Variants in CLMN observed in about 807,000 individuals in gnomAD.
CLMN encodes calmin (calponin-like, transmembrane).
Under a neutral mutation model 92.7 loss-of-function variants are expected in CLMN, and 57 were observed. The observed-to-expected ratio is 0.61, with a 90% confidence interval of 0.50 to 0.77. CLMN has a LOEUF of 0.77. CLMN is among the 30% of genes least tolerant of loss of function. CLMN has a pLI of 0.00. For synonymous variants in CLMN, 466 were observed against 470.6 expected (o/e 0.99, Z 0.13); for missense variants, 1,158 against 1,237.5 (o/e 0.94, Z 0.96).
intron 1 of CLMN, among the ~76,000 whole-genome samples, chr14:95,250,676 C>A (rs987648269): frequency 6.6e-6 from 1 of 152,238 alleles, no homozygotes; most frequent in African/African-American, 2.4e-5. Context: ...TGAAGAGCTA[C>A]AGAGCATGTC....
At chr14:95,226,322 T>C (rs1279835830) in intron 2 of CLMN, among the ~76,000 whole-genome samples, 3 of 152,188 alleles carry the variant, frequency 2.0e-5, no homozygotes, top group African/African-American at 7.2e-5. Context: ...ACTCTATCGT[T>C]CAGGGAGTAA....
intron 1 of CLMN, among the ~76,000 whole-genome samples, chr14:95,317,099 C>T (rs1469981481): frequency 3.3e-5 from 5 of 152,336 alleles, no homozygotes; most frequent in African/African-American, 1.2e-4. Context: ...CTGCTGGTGG[C>T]CCCCAAAGTC....
chr14:95,205,217 C>T (rs1897013740), intron 8 of CLMN, among the ~76,000 whole-genome samples: 1 of 152,124 alleles, frequency 6.6e-6, no homozygotes, highest in African/African-American at 2.4e-5. Context: ...TGGGAAAGGG[C>T]TGTATTTCCT....
rs1466596312 is a variant in CLMN at position 95,256,455 on chromosome 14, T to C, written c.83-26322A>G. Among the ~76,000 whole-genome samples, 1 of 152,210 alleles carries C rather than the reference T, an allele frequency of 6.6e-6. No individual in the cohort carries two copies. The highest frequency in any genetic ancestry group is 1.5e-5 in the Non-Finnish European group (1 of 68,042). On this transcript the variant is annotated intron_variant, in intron 1 of 12. Transcript: ENST00000298912. The surrounding 1 kb of genome is among the most constrained non-coding windows in gnomAD (Gnocchi z 4.9). ...GACACTGAGAAGCACTCTAACTCCT[T>C]CTTTGTGAACACGTTTTGACACAGT...
Position 95,204,046 on chromosome 14 carries a change from C to A in CLMN, c.1303G>T (p.Asp435Tyr). Residue 435 changes from aspartate to tyrosine, a missense_variant, in exon 9 of 13, where the codon GAT becomes TAT. Physicochemically the swap from Asp to Tyr is radical, Grantham distance 160. Coordinates refer to ENST00000298912, the MANE Select transcript of CLMN (RefSeq NM_024734.4). The stretch of plus-strand genomic sequence containing the variant: ...GACAGGTTCTTACTGCAGAAAGGAT[C>A]CTTGTAGGTGTCAGCCTCAAAGTGA... ...TVHFEADTYK[D>Y]PFCSKNLSLC... The A allele has an allele frequency of 6.2e-7, 1 of 1,614,228 alleles. No individual in the cohort carries two copies. The highest frequency in any genetic ancestry group is 8.5e-7 in the Non-Finnish European group (1 of 1,180,054).
At chr14:95,277,680 T>C (rs1167619469) in intron 1 of CLMN, among the ~76,000 whole-genome samples, 3 of 152,190 alleles carry the variant, frequency 2.0e-5, no homozygotes, top group African/African-American at 7.2e-5. Context: ...CAGGCCAGAG[T>C]GCAGTGGCAC....
At chr14:95,279,454 GT>G (rs1372474501) in intron 1 of CLMN, among the ~76,000 whole-genome samples, 1 of 152,150 alleles carries the variant, frequency 6.6e-6, no homozygotes, top group Non-Finnish European at 1.5e-5. Flanking sequence ...CTGCACTTCT[GT>G]CTGGTGTCCT....
chr14:95,211,782 T>C (rs1253370738), intron 6 of CLMN, among the ~76,000 whole-genome samples: 2 of 152,198 alleles, frequency 1.3e-5, no homozygotes, highest in African/African-American at 2.4e-5. Flanking sequence ...CAGCATCTTA[T>C]GCTACCAGGG....
At chr14:95,223,054 G>A (rs561056567) in intron 3 of CLMN, among the ~76,000 whole-genome samples, 7 of 152,336 alleles carry the variant, frequency 4.6e-5, no homozygotes, top group African/African-American at 1.7e-4. Flanking sequence ...ACCATTCTGG[G>A]CTGGATCAGT....
At chr14:95,293,876 G>A (rs1402712817) in intron 1 of CLMN, among the ~76,000 whole-genome samples, 1 of 152,128 alleles carries the variant, frequency 6.6e-6, no homozygotes, top group East Asian at 1.9e-4. Context: ...ACGTGGTACG[G>A]AATGAGGCAA....
intron 1 of CLMN, among the ~76,000 whole-genome samples, chr14:95,239,846 T>C (rs886384214): frequency 2.6e-5 from 4 of 152,254 alleles, no homozygotes; most frequent in Non-Finnish European, 5.9e-5. Context: ...ATGTGCCATA[T>C]AATGACATTT....
At chr14:95,206,535 G>A (rs1897051351) in intron 8 of CLMN, among the ~76,000 whole-genome samples, 1 of 152,172 alleles carries the variant, frequency 6.6e-6, no homozygotes, top group African/African-American at 2.4e-5. Flanking sequence ...AACAATGTGT[G>A]GTACATGGTC....
chr14:95,264,689 C>T lies in CLMN; in HGVS notation c.83-34556G>A, dbSNP rs568367202. On this transcript the variant is annotated intron_variant, in intron 1 of 12. Transcript: ENST00000298912. ...TGTGATGGTTACTTTTATGTGTCAA[C>T]GTGACCAGGCAATGGCACCCAGAGA... is the stretch of plus-strand genomic sequence containing the variant. Among the ~76,000 whole-genome samples, 140 of 152,148 alleles carry T rather than the reference C, an allele frequency of 9.2e-4. 2 individuals carry two copies. The highest frequency in any genetic ancestry group is 1.9e-3 in the Non-Finnish European group (128 of 68,030).
In CLMN at chr14:95,184,405, A is replaced by G. The variant is rs535953200; in HGVS notation, c.*7159T>C. The G allele has an allele frequency of 6.6e-6, 1 of 152,380 alleles. No individual in the cohort carries two copies. Among genetic ancestry groups the G allele is most frequent in the South Asian group, 2.1e-4 (1 of 4,834 alleles). 9.4% of individuals were successfully genotyped at this position (152,380 alleles called of 1,614,324 possible). On this transcript the variant is annotated 3_prime_UTR_variant, in exon 13 of 13. Coordinates refer to ENST00000298912, the MANE Select transcript of CLMN (RefSeq NM_024734.4). Reference sequence around the variant, plus strand: ...ACATCTGAGTGTCAGGGATTTAAACAAATTAGCAGTGCGATTGAGGCCGTG... The same window carrying G: ...ACATCTGAGTGTCAGGGATTTAAACGAATTAGCAGTGCGATTGAGGCCGTG...
Position 95,319,693 on chromosome 14 carries a change from G to A in CLMN, c.82+18C>T, listed in dbSNP as rs770448958. On this transcript the variant is annotated intron_variant, in intron 1 of 12. Coordinates refer to ENST00000298912, the MANE Select transcript of CLMN (RefSeq NM_024734.4). ...CCCGAGCGCCCAGCCATCCCGGGGCGAGCCTGGGCTGCGTTACCTTGCAGG... is the reference window on the plus strand; with the variant it reads ...CCCGAGCGCCCAGCCATCCCGGGGCAAGCCTGGGCTGCGTTACCTTGCAGG... 4.4e-6 allele frequency: 7 copies of A among 1,588,442 alleles called. No individual in the cohort carries two copies. The highest frequency in any genetic ancestry group is 2.2e-5 in the South Asian group (2 of 90,012).
Position 95,222,674 on chromosome 14 carries a change from T to C in CLMN, c.241-900A>G, listed in dbSNP as rs1897584681. The C allele has an allele frequency of 3.6e-5, 16 of 449,438 alleles. 1 individual carries two copies. The highest frequency in any genetic ancestry group is 2.4e-4 in the South Asian group (15 of 63,382). 27.8% of individuals were successfully genotyped at this position (449,438 alleles called of 1,614,324 possible). A position where few individuals can be genotyped will look rare whatever the true frequency, so the allele number is the denominator to read the frequency against. The stretch of plus-strand genomic sequence containing the variant: ...AGAAGGTACTTTTTCAGGAAGTCTT[T>C]TGGGGACCGTGCTCATGGCGAGGCC... On this transcript the variant is annotated intron_variant, in intron 3 of 12. Transcript: ENST00000298912.
intron 1 of CLMN, among the ~76,000 whole-genome samples, chr14:95,308,128 A>C (rs892740803): frequency 2.6e-5 from 4 of 152,196 alleles, no homozygotes; most frequent in African/African-American, 9.7e-5. Context: ...CAATTTCTTC[A>C]GATCCCCACT....
At chr14:95,193,443 C>T (rs748369540) in intron 12 of CLMN, 8 of 1,400,642 alleles carry the variant, frequency 5.7e-6, no homozygotes, top group East Asian at 2.5e-5. Flanking sequence ...AATGGACAGG[C>T]GTCAGGGGCT....
chr14:95,195,101 A>G (rs1896667953), intron 10 of CLMN, among the ~76,000 whole-genome samples: 1 of 152,174 alleles, frequency 6.6e-6, no homozygotes, highest in Non-Finnish European at 1.5e-5. Context: ...TGAAGGATGG[A>G]GCCCCGCCTG....
Sources: gnomAD v4.1 joint callset for allele counts (sites outside exome capture counted in the v4.1 genomes callset) on GRCh38, gnomAD v4.1.1 for gene constraint, Gnocchi (gnomAD v3.1) non-coding constraint, MANE v1.5 for transcripts, NCBI Gene and HGNC (gene_info 2026-07-23, HGNC 2026-07-21) for gene names.